Variants in ADD3 observed in about 807,000 individuals in gnomAD.
ADD3 encodes the protein adducin 3.
A neutral mutation model predicts 80.2 loss-of-function variants in ADD3; 25 were observed. The ratio of observed to expected loss-of-function variants is 0.31; its 90% CI spans 0.23 to 0.44. The LOEUF (loss-of-function observed/expected upper bound fraction) is 0.44. Among genes scored for constraint, ADD3 ranks in the 20% least tolerant of loss-of-function variants. The pLI is 1.00. For missense variants in ADD3, 829 were observed against 847.5 expected, an observed-to-expected ratio of 0.98 and a Z score of 0.27; for synonymous variants, 284 against 289.6, an observed-to-expected ratio of 0.98 and a Z score of 0.20.
chr10:110,053,796 T>C (rs975175920), intron 1 of ADD3, among the ~76,000 whole-genome samples: 3 of 152,210 alleles, frequency 2.0e-5, no homozygotes, highest in Admixed American at 2.0e-4. Context: ...AAAGTATTAA[T>C]AAGTTTAACT....
At chr10:110,084,154 C>T (rs553779724) in intron 1 of ADD3, among the ~76,000 whole-genome samples, 1 of 152,166 alleles carries the variant, frequency 6.6e-6, no homozygotes, top group African/African-American at 2.4e-5. Context: ...TGTGAGTGGG[C>T]ACAAAAAGCT....
intron 1 of ADD3, among the ~76,000 whole-genome samples, chr10:110,054,197 G>A (rs940244245): frequency 1.3e-5 from 2 of 152,122 alleles, no homozygotes; most frequent in African/African-American, 4.8e-5. Context: ...TTATTTTGGG[G>A]GAATGGTATG....
intron 1 of ADD3, among the ~76,000 whole-genome samples, chr10:110,058,709 T>G (rs1858510700): frequency 6.6e-6 from 1 of 152,210 alleles, no homozygotes; most frequent in Non-Finnish European, 1.5e-5. Context: ...TTTGAGGATA[T>G]CACTATTTCC....
At chr10:110,033,456 T>C (rs1855289684) in intron 1 of ADD3, among the ~76,000 whole-genome samples, 1 of 152,224 alleles carries the variant, frequency 6.6e-6, no homozygotes, top group Non-Finnish European at 1.5e-5. Flanking sequence ...AGTCCCAGAA[T>C]GCATCTTTAG....
chr10:110,050,860 T>A (rs1857440340), intron 1 of ADD3, among the ~76,000 whole-genome samples: 1 of 152,182 alleles, frequency 6.6e-6, no homozygotes, highest in South Asian at 2.1e-4. Flanking sequence ...GAAAATGGAC[T>A]AATACATCAA....
At chr10:110,026,775 G>A (rs1004742308) in intron 1 of ADD3, among the ~76,000 whole-genome samples, 218 of 144,076 alleles carry the variant, frequency 1.5e-3, no homozygotes, top group African/African-American at 5.5e-3. Flanking sequence ...GTTAATGATT[G>A]ATTTTTTTTT....
chr10:110,077,778 G>A (rs972841018), intron 1 of ADD3, among the ~76,000 whole-genome samples: 5 of 89,460 alleles, frequency 5.6e-5, no homozygotes, highest in African/African-American at 5.0e-4. Context: ...TTTTTTTTTC[G>A]CAACTGGGGG....
chr10:110,131,998 A>G (rs1853081019), intron 13 of ADD3, among the ~76,000 whole-genome samples: 2 of 152,150 alleles, frequency 1.3e-5, no homozygotes, highest in Non-Finnish European at 2.9e-5. Context: ...TCTGCGCAGT[A>G]TGTTTTGGTT....
chr10:110,021,660 T>C (rs1362082039), intron 1 of ADD3, among the ~76,000 whole-genome samples: 1 of 152,112 alleles, frequency 6.6e-6, no homozygotes, highest in Non-Finnish European at 1.5e-5. Context: ...AGAATAGACA[T>C]TTATAGAGAC....
At chr10:110,012,598 A>G (rs1852457805) in intron 1 of ADD3, among the ~76,000 whole-genome samples, 1 of 152,232 alleles carries the variant, frequency 6.6e-6, no homozygotes, top group Non-Finnish European at 1.5e-5. Flanking sequence ...TAGCATGATC[A>G]CCAAAAGGTA....
At chr10:110,063,775 AT>A (rs1843556582) in intron 1 of ADD3, among the ~76,000 whole-genome samples, 3 of 105,002 alleles carry the variant, frequency 2.9e-5, no homozygotes, top group African/African-American at 6.8e-5. Flanking sequence ...ATATATATAT[AT>A]ATATATAAAG....
chr10:110,076,286 T>C (rs1240516480), intron 1 of ADD3, among the ~76,000 whole-genome samples: 1 of 152,174 alleles, frequency 6.6e-6, no homozygotes, highest in Non-Finnish European at 1.5e-5. Context: ...TGATAAATTA[T>C]TTTAGATCCT....
At position 110,050,543 on chromosome 10, in the gene ADD3, C is replaced by T. The variant is rs189943130; in HGVS notation, c.-30+42244C>T. 4.9e-4 allele frequency among the ~76,000 whole-genome samples: 71 copies of T among 145,928 alleles called. 1 individual carries two copies. The highest frequency in any genetic ancestry group is 9.8e-4 in the Non-Finnish European group (66 of 67,074). On this transcript the variant is annotated intron_variant, in intron 1 of 14. Coordinates refer to ENST00000356080, the MANE Select transcript of ADD3 (RefSeq NM_016824.5). Reference sequence around the variant, plus strand: ...TTTTTTTTTTCCTGAAGCGGAGTCTCGCTCTGTTGCCCAGGCTGGAGTACA... The same window carrying T: ...TTTTTTTTTTCCTGAAGCGGAGTCTTGCTCTGTTGCCCAGGCTGGAGTACA...
At chr10:110,013,462 A>G (rs1852566891) in intron 1 of ADD3, among the ~76,000 whole-genome samples, 1 of 152,184 alleles carries the variant, frequency 6.6e-6, no homozygotes, top group Non-Finnish European at 1.5e-5. Flanking sequence ...GGGCATATGC[A>G]ATTTCCATAG....
At chr10:110,108,987 A>T (rs777572653) in intron 2 of ADD3, among the ~76,000 whole-genome samples, 1 of 152,196 alleles carries the variant, frequency 6.6e-6, no homozygotes, top group Admixed American at 6.5e-5. Context: ...ACATCGCTCT[A>T]TGACACCATA....
At chr10:110,102,271 A>G (rs1751209310) in intron 2 of ADD3, among the ~76,000 whole-genome samples, 1 of 151,090 alleles carries the variant, frequency 6.6e-6, no homozygotes. Flanking sequence ...TAGATCAAAA[A>G]TAGATATGTT....
intron 1 of ADD3, among the ~76,000 whole-genome samples, chr10:110,047,696 A>G (rs945869707): frequency 6.6e-6 from 1 of 152,224 alleles, no homozygotes; most frequent in Non-Finnish European, 1.5e-5. Flanking sequence ...GTTATAGGAA[A>G]AAGTCTCTGT....
At chr10:109,996,491 T>C (rs1045746862) in intron 1 of ADD3, 1 of 152,188 alleles carries the variant, frequency 6.6e-6, no homozygotes, top group Non-Finnish European at 1.5e-5. Context: ...ATAAGTCTTT[T>C]CAAAAATGGG....
At chr10:110,023,291 A>G (rs1306420273) in intron 1 of ADD3, among the ~76,000 whole-genome samples, 1 of 152,220 alleles carries the variant, frequency 6.6e-6, no homozygotes, top group Non-Finnish European at 1.5e-5. Context: ...ATGACAAGCA[A>G]GATGACAACT....
Sources: gnomAD v4.1 joint callset for allele counts (sites outside exome capture counted in the v4.1 genomes callset) on GRCh38, gnomAD v4.1.1 for gene constraint, MANE v1.5 for transcripts, NCBI Gene and HGNC (gene_info 2026-07-23, HGNC 2026-07-21) for gene names.